Variants in LUZP2 observed in about 807,000 individuals in gnomAD.
LUZP2 encodes the protein leucine zipper protein 2.
A neutral mutation model predicts 51.6 loss-of-function variants in LUZP2; 52 were observed. The ratio of observed to expected loss-of-function variants is 1.01; its 90% CI spans 0.81 to 1.27. The LOEUF (loss-of-function observed/expected upper bound fraction) is 1.27. Ranked by LOEUF, LUZP2 falls within the 50% of genes most tolerant of loss-of-function variation. The probability of loss-of-function intolerance (pLI) is 0.00; values close to 1 mark genes in which losing one functional copy is unlikely to be tolerated. For synonymous variants in LUZP2, 154 were observed against 137.3 expected, an observed-to-expected ratio of 1.12 and a Z score of -0.85; for missense variants, 436 against 395.4, an observed-to-expected ratio of 1.10 and a Z score of -0.87.
chr11:24,834,082 A>C (rs1470774907), intron 5 of LUZP2, among the ~76,000 whole-genome samples: 1 of 151,774 alleles, frequency 6.6e-6, no homozygotes, highest in Non-Finnish European at 1.5e-5. Context: ...TTTTCCCTAT[A>C]TGGTATTTTT....
intron 9 of LUZP2, among the ~76,000 whole-genome samples, chr11:25,022,241 G>A (rs768816686): frequency 1.4e-4 from 22 of 152,042 alleles, no homozygotes; most frequent in Non-Finnish European, 2.6e-4. Context: ...TATTCAAATT[G>A]TATCTAAATA....
chr11:24,738,213 T>C lies in LUZP2; in HGVS notation c.252-8T>C, dbSNP rs781548308. 6.3e-7 allele frequency: 1 copy of C among 1,575,698 alleles called. No homozygotes were observed. The highest frequency in any genetic ancestry group is 1.1e-5 in the South Asian group (1 of 89,254). On this transcript the variant is annotated splice_polypyrimidine_tract_variant and splice_region_variant and intron_variant, in intron 3 of 11. Coordinates refer to ENST00000336930, the MANE Select transcript of LUZP2 (RefSeq NM_001009909.4). ...TTCTCACTTATGCTCTGTTTTCTAC[T>C]AAAATAGAGAAGAAATGAAGTCTCT...
intron 1 of LUZP2, among the ~76,000 whole-genome samples, chr11:24,523,863 A>G (rs914480826): frequency 2.0e-5 from 3 of 151,788 alleles, no homozygotes; most frequent in Admixed American, 1.3e-4. Flanking sequence ...TAAAAATGAA[A>G]TGTTATTTTT....
At chr11:24,505,309 G>A (rs1375650509) in intron 1 of LUZP2, among the ~76,000 whole-genome samples, 1 of 152,136 alleles carries the variant, frequency 6.6e-6, no homozygotes, top group Non-Finnish European at 1.5e-5. Context: ...GAATGGAGAT[G>A]ACAAGAGGTG....
At chr11:24,719,986 C>T (rs1479493194) in intron 1 of LUZP2, among the ~76,000 whole-genome samples, 3 of 152,064 alleles carry the variant, frequency 2.0e-5, no homozygotes, top group African/African-American at 4.8e-5. Context: ...AAGTGAATGG[C>T]CCAGCTAAGC....
chr11:24,697,172 A>T (rs1001205366), intron 1 of LUZP2, among the ~76,000 whole-genome samples: 1 of 152,312 alleles, frequency 6.6e-6, no homozygotes, highest in Non-Finnish European at 1.5e-5. Context: ...CAAGTTAACA[A>T]TTAACATTTC....
chr11:24,834,408 C>T (rs1196698205), intron 5 of LUZP2, among the ~76,000 whole-genome samples: 1 of 152,196 alleles, frequency 6.6e-6, no homozygotes, highest in Non-Finnish European at 1.5e-5. Flanking sequence ...ATCCATGTCC[C>T]TGCAAAGGAC....
Position 24,708,042 on chromosome 11 carries a change from C to T in LUZP2, c.63-21127C>T, listed in dbSNP as rs113722005. Among the ~76,000 whole-genome samples the T allele has an allele frequency of 8.6e-3, 1,313 of 152,052 alleles. 22 individuals are homozygous for T. The highest frequency in any genetic ancestry group is 0.028 in the African/African-American group (1,180 of 41,468). ...ACAGGGTGAGTGCTTTGGAGGGAGTCAGGGCAGAGCAGGTAGCAGGTAATT... is the reference window on the plus strand; with the variant it reads ...ACAGGGTGAGTGCTTTGGAGGGAGTTAGGGCAGAGCAGGTAGCAGGTAATT... On this transcript the variant is annotated intron_variant, in intron 1 of 11. Coordinates refer to ENST00000336930, the MANE Select transcript of LUZP2 (RefSeq NM_001009909.4).
chr11:25,082,559 A>G lies in LUZP2; in HGVS notation c.*3901A>G, dbSNP rs1480970751. 1 of 152,190 alleles carries G rather than the reference A, an allele frequency of 6.6e-6. No individual in the cohort carries two copies. Among genetic ancestry groups the G allele is most frequent in the Non-Finnish European group, 1.5e-5 (1 of 67,988 alleles). The allele number at this position is 152,190 out of a possible 1,614,324, so 9.4% of individuals were successfully genotyped here. A position where few individuals can be genotyped will look rare whatever the true frequency, so the allele number is the denominator to read the frequency against. ...ACTATGTGTTCATTTGGATTGTGTT[A>G]TATAATAACAGTCGAATGATGAAGA... On this transcript the variant is annotated 3_prime_UTR_variant, in exon 12 of 12. Coordinates refer to ENST00000336930, the MANE Select transcript of LUZP2 (RefSeq NM_001009909.4).
intron 5 of LUZP2, among the ~76,000 whole-genome samples, chr11:24,864,213 CAT>C (rs552578047): frequency 2.9e-4 from 44 of 152,136 alleles, no homozygotes; most frequent in South Asian, 1.2e-3. Context: ...CTGATACACA[CAT>C]GTTTGAAGTT....
At chr11:24,588,094 A>G (rs1318876291) in intron 1 of LUZP2, among the ~76,000 whole-genome samples, 1 of 152,072 alleles carries the variant, frequency 6.6e-6, no homozygotes, top group East Asian at 1.9e-4. Flanking sequence ...GGTATTTTTT[A>G]ATAAATCTAT....
chr11:24,909,051 G>T (rs371489824), intron 6 of LUZP2, among the ~76,000 whole-genome samples: 2 of 151,666 alleles, frequency 1.3e-5, no homozygotes, highest in South Asian at 4.1e-4. Flanking sequence ...ATGAGCCACC[G>T]CACCCAGCCA....
chr11:24,807,335 G>A (rs114579736), intron 5 of LUZP2, among the ~76,000 whole-genome samples: 1,608 of 152,044 alleles, frequency 0.011, 24 homozygotes, highest in East Asian at 0.048. Flanking sequence ...AGTGGTGAGT[G>A]CCTGTAATCG....
intron 5 of LUZP2, among the ~76,000 whole-genome samples, chr11:24,850,653 G>A (rs1391363664): frequency 6.6e-6 from 1 of 152,092 alleles, no homozygotes; most frequent in Admixed American, 6.6e-5. Context: ...CTAATTCTGT[G>A]AAGAAAGTCA....
chr11:24,534,041 T>A (rs1287881954), intron 1 of LUZP2, among the ~76,000 whole-genome samples: 1 of 151,234 alleles, frequency 6.6e-6, no homozygotes, highest in Non-Finnish European at 1.5e-5. Context: ...TAAGTCTAAA[T>A]AAATAAGCTC....
At position 25,078,781 on chromosome 11, in the gene LUZP2, A is replaced by C; in HGVS notation, c.*123A>C. ...CTTTTTCACAATTTTATGTAACTTT[A>C]TAAAGTAGCCTACACATTTTCAAAG... On this transcript the variant is annotated 3_prime_UTR_variant, in exon 12 of 12. Coordinates refer to ENST00000336930, the MANE Select transcript of LUZP2 (RefSeq NM_001009909.4). 1.4e-6 allele frequency: 1 copy of C among 737,522 alleles called. No homozygotes were observed. The highest frequency in any genetic ancestry group is 2.8e-5 in the East Asian group (1 of 35,782). The allele number at this position is 737,522 out of a possible 1,614,324, so 45.7% of individuals were successfully genotyped here.
chr11:24,904,815 T>C (rs1853398276), intron 5 of LUZP2, among the ~76,000 whole-genome samples: 1 of 152,016 alleles, frequency 6.6e-6, no homozygotes, highest in Non-Finnish European at 1.5e-5. Flanking sequence ...TTAAAGTATA[T>C]AAAGTGGTTA....
At chr11:24,722,138 AC>A (rs1159733106) in intron 1 of LUZP2, among the ~76,000 whole-genome samples, 3 of 152,232 alleles carry the variant, frequency 2.0e-5, no homozygotes, top group African/African-American at 7.2e-5. Context: ...ATTACTTAAT[AC>A]ATAGGCTTCC....
rs116340408 is a variant in LUZP2, at chr11:24,575,125, G to A, written c.62+77820G>A. Among the ~76,000 whole-genome samples, 365 of 152,038 alleles carry A rather than the reference G, an allele frequency of 2.4e-3. 1 individual carries two copies. The highest frequency in any genetic ancestry group is 8.3e-3 in the African/African-American group (345 of 41,462). The stretch of plus-strand genomic sequence containing the variant: ...AAGCTTCGACCATTTCAAATTTCAA[G>A]TCATTTTAAAATTCAGTTGACCAAA... On this transcript the variant is annotated intron_variant, in intron 1 of 11. Transcript: ENST00000336930.
Sources: allele counts gnomAD v4.1 joint callset (sites outside exome capture counted in the v4.1 genomes callset), GRCh38; gene constraint gnomAD v4.1.1; transcripts MANE v1.5; gene names NCBI Gene and HGNC (gene_info 2026-07-23, HGNC 2026-07-21).